Variants in CAST observed in about 807,000 individuals in gnomAD.
CAST encodes the protein MIR583 host.
In CAST, 76 loss-of-function variants were observed where a neutral mutation model predicts 119.6. The ratio of observed to expected loss-of-function variants is 0.64; its 90% CI spans 0.53 to 0.77. The LOEUF (loss-of-function observed/expected upper bound fraction) is 0.77, where lower values mean the gene tolerates loss of function less well. Among genes scored for constraint, CAST ranks in the 30% least tolerant of loss-of-function variants. The pLI is 0.00. For missense variants in CAST, 953 were observed against 946.5 expected (o/e 1.01, Z -0.09); for synonymous variants, 319 against 331.6 (o/e 0.96, Z 0.41).
chr5:96,481,639 A>G, the CAST span, among the ~76,000 whole-genome samples: 8 of 152,340 alleles, frequency 5.3e-5, no homozygotes, highest in Non-Finnish European at 8.8e-5. Context: ...TCATGAGAAA[A>G]TCTGTATAAG....
At chr5:96,432,150 G>A in the CAST span, 3 of 1,534,566 alleles carry the variant, frequency 2.0e-6, no homozygotes, top group Non-Finnish European at 2.6e-6. Context: ...ACCCTGCAGT[G>A]GGACTGGCCG....
At chr5:96,744,251 TAAAG>T (rs1763286559) in intron 16 of CAST, among the ~76,000 whole-genome samples, 2 of 152,190 alleles carry the variant, frequency 1.3e-5, no homozygotes, top group African/African-American at 4.8e-5. Flanking sequence ...ATGCTGCTAA[TAAAG>T]ACATACCAGA....
At chr5:96,771,776 T>G (rs1044858479) in intron 31 of CAST, 74 bp downstream of exon 31, 54 of 886,206 alleles carry the variant, frequency 6.1e-5, no homozygotes, top group Admixed American at 2.3e-4. Flanking sequence ...ATGAGAGAAG[T>G]GAAGTCCACC....
chr5:96,083,155 C>T, the CAST span, among the ~76,000 whole-genome samples: 1 of 152,180 alleles, frequency 6.6e-6, no homozygotes, highest in Non-Finnish European at 1.5e-5. Flanking sequence ...CAAATTATTG[C>T]TTTATATGCT....
chr5:96,766,323 C>T (rs1344083537), intron 27 of CAST, among the ~76,000 whole-genome samples, 178 bp downstream of exon 27: 3 of 152,166 alleles, frequency 2.0e-5, no homozygotes, highest in African/African-American at 7.2e-5. Flanking sequence ...GAGCCAATAT[C>T]ATTATATATG....
the CAST span, among the ~76,000 whole-genome samples, chr5:96,125,966 T>C: frequency 3.3e-5 from 5 of 152,162 alleles, no homozygotes; most frequent in Non-Finnish European, 7.4e-5. Flanking sequence ...AAAGCTTAAA[T>C]TCTACAGAGT....
chr5:96,014,192 A>G, the CAST span, among the ~76,000 whole-genome samples: 1 of 150,104 alleles, frequency 6.7e-6, no homozygotes, highest in Non-Finnish European at 1.5e-5. Context: ...AAACTAAGAC[A>G]TGAACACACA....
chr5:96,490,443 T>C, the CAST span, among the ~76,000 whole-genome samples: 1 of 152,060 alleles, frequency 6.6e-6, no homozygotes, highest in African/African-American at 2.4e-5. Flanking sequence ...GGACTAAGTA[T>C]AGCAAGTCAT....
chr5:96,262,751 G>A, the CAST span, among the ~76,000 whole-genome samples: 9 of 152,038 alleles, frequency 5.9e-5, no homozygotes, highest in African/African-American at 9.7e-5. Context: ...TAGCCAAGAC[G>A]GTCTCGATCT....
the CAST span, among the ~76,000 whole-genome samples, chr5:96,105,941 A>G: frequency 6.6e-6 from 1 of 152,128 alleles, no homozygotes; most frequent in Non-Finnish European, 1.5e-5. Context: ...CAGAGATTCA[A>G]CTTCTTCCTG....
At chr5:96,013,830 T>C in the CAST span, among the ~76,000 whole-genome samples, 1 of 152,158 alleles carries the variant, frequency 6.6e-6, no homozygotes, top group African/African-American at 2.4e-5. Context: ...GGGCACTTAC[T>C]ATGAACCACA....
At chr5:96,598,134 G>GGTA (rs1217122640) in intron 1 of CAST, among the ~76,000 whole-genome samples, 1 of 152,172 alleles carries the variant, frequency 6.6e-6, no homozygotes, top group African/African-American at 2.4e-5. Flanking sequence ...TGGACTTGCT[G>GGTA]CCCATACATA....
chr5:96,238,691 C>A, the CAST span, among the ~76,000 whole-genome samples: 1 of 151,888 alleles, frequency 6.6e-6, no homozygotes, highest in Non-Finnish European at 1.5e-5. Flanking sequence ...TGAGCCACCG[C>A]GCCCAGCCTA....
the CAST span, among the ~76,000 whole-genome samples, chr5:96,062,787 T>C: frequency 6.6e-6 from 1 of 152,088 alleles, no homozygotes; most frequent in Admixed American, 6.6e-5. Flanking sequence ...TGCTCAATTT[T>C]GAGAGTGAAT....
At chr5:96,566,323 T>A (rs925163174) in intron 1 of CAST, among the ~76,000 whole-genome samples, 1 of 152,240 alleles carries the variant, frequency 6.6e-6, no homozygotes, top group South Asian at 2.1e-4. Context: ...GTTCCTTTAA[T>A]GTAGTCCCTT....
the CAST span, among the ~76,000 whole-genome samples, chr5:96,168,956 A>C: frequency 6.6e-6 from 1 of 152,354 alleles, no homozygotes; most frequent in East Asian, 1.9e-4. Flanking sequence ...AAAAGTATTA[A>C]GGAGCAGCAG....
In CAST at chr5:96,643,616, T is replaced by G. The variant is rs1391087374; in HGVS notation, c.61-31923T>G. Among the ~76,000 whole-genome samples the G allele has an allele frequency of 2.0e-5, 3 of 152,266 alleles. No individual in the cohort carries two copies. In the East Asian group the frequency reaches 5.8e-4, roughly 29 times the overall value. Reference sequence around the variant, plus strand: ...TGGGCCAGGCGCAATGGCTCACCCCTGTAATCCCAGCACTTTGGGAGGCCG... The same window carrying G: ...TGGGCCAGGCGCAATGGCTCACCCCGGTAATCCCAGCACTTTGGGAGGCCG... On this transcript the variant is annotated intron_variant, in intron 1 of 11. Transcript: ENST00000505143.
At chr5:96,186,882 G>GGGAC in the CAST span, among the ~76,000 whole-genome samples, 3 of 152,102 alleles carry the variant, frequency 2.0e-5, no homozygotes, top group African/African-American at 7.2e-5. Flanking sequence ...TTAGGGAGGA[G>GGGAC]TCCCTCCTTT....
the CAST span, among the ~76,000 whole-genome samples, chr5:96,261,097 G>A: frequency 6.6e-6 from 1 of 152,158 alleles, no homozygotes; most frequent in African/African-American, 2.4e-5. Context: ...AATAAAGAAA[G>A]GCATGTGTTT....
Sources: allele counts gnomAD v4.1 joint callset (sites outside exome capture counted in the v4.1 genomes callset), GRCh38; gene constraint gnomAD v4.1.1; transcripts MANE v1.5; gene names NCBI Gene and HGNC (gene_info 2026-07-23, HGNC 2026-07-21).